The following SLC12A7 variants were observed in gnomAD, a reference collection of about 807,000 sequenced individuals.
The protein encoded by SLC12A7 is K-Cl cotransporter 4.
A neutral mutation model predicts 120.6 loss-of-function variants in SLC12A7; 100 were observed. The ratio of observed to expected loss-of-function variants is 0.83; its 90% CI spans 0.71 to 0.98. The LOEUF (loss-of-function observed/expected upper bound fraction) is 0.98. Ranked by LOEUF, SLC12A7 falls within the 50% of genes least tolerant of loss-of-function variation. The pLI, the probability that SLC12A7 is intolerant of heterozygous loss-of-function variation, is 0.00. For synonymous variants in SLC12A7, 760 were observed against 678.0 expected, an observed-to-expected ratio of 1.12 and a Z score of -1.88; for missense variants, 1,373 against 1,548.1, an observed-to-expected ratio of 0.89 and a Z score of 1.90.
At chr5:1,093,424 C>T in intron 3 of SLC12A7, 109 bp downstream of exon 3, 1 of 1,145,242 alleles carries the variant, frequency 8.7e-7, no homozygotes, top group Non-Finnish European at 1.2e-6. Flanking sequence ...GGCCATGATA[C>T]CAGAGCTCAG....
the SLC12A7 span, among the ~76,000 whole-genome samples, chr5:1,125,686 A>C: frequency 2.6e-5 from 4 of 152,186 alleles, no homozygotes; most frequent in African/African-American, 9.7e-5. Context: ...GCATTTTGGG[A>C]GGCCGAGGCG....
chr5:1,058,861 C>T (rs1735895102), intron 21 of SLC12A7, among the ~76,000 whole-genome samples: 1 of 147,176 alleles, frequency 6.8e-6, no homozygotes, highest in South Asian at 2.2e-4. Context: ...AGAGGGTGTC[C>T]ACCCAGCGTC....
At chr5:1,055,767 G>T (rs1735546728) in intron 22 of SLC12A7, among the ~76,000 whole-genome samples, 1 of 152,246 alleles carries the variant, frequency 6.6e-6, no homozygotes, top group Non-Finnish European at 1.5e-5. Context: ...TCGTTCTTCG[G>T]CTTTAATTAA....
chr5:1,077,831 A>C lies in SLC12A7; in HGVS notation c.1629+2T>G, dbSNP rs1273332151. The stretch of plus-strand genomic sequence containing the variant: ...TCCCCCCGACGAGGGTGCGGGACTC[A>C]CCTGCAGGAAGGGGACGATGCCGTC... On this transcript the variant is annotated splice_donor_variant, in intron 12 of 23. Coordinates refer to ENST00000264930, the MANE Select transcript of SLC12A7 (RefSeq NM_006598.3). LOFTEE classifies it high-confidence loss of function. 2 of 1,581,582 alleles carry C rather than the reference A, an allele frequency of 1.3e-6. No individual in the cohort carries two copies. The highest frequency in any genetic ancestry group is 2.3e-5 in the South Asian group (2 of 86,802).
chr5:1,096,848 A>T (rs1403444921), intron 1 of SLC12A7, among the ~76,000 whole-genome samples: 10 of 65,576 alleles, frequency 1.5e-4, no homozygotes, highest in East Asian at 1.2e-3. Context: ...GAGGGAGGGA[A>T]GGAGGGAGGG....
the SLC12A7 span, among the ~76,000 whole-genome samples, chr5:1,124,864 G>A: frequency 6.6e-6 from 1 of 152,136 alleles, no homozygotes; most frequent in African/African-American, 2.4e-5. Context: ...GGAGCGAGGC[G>A]GCCGGCCAGA....
At chr5:1,091,329 G>A (rs1373234885) in intron 3 of SLC12A7, among the ~76,000 whole-genome samples, 3 of 152,192 alleles carry the variant, frequency 2.0e-5, no homozygotes, top group African/African-American at 7.2e-5. Context: ...TGCTCTCTAT[G>A]GGCACCTCAT....
intron 16 of SLC12A7, 37 bp from the exon 17 acceptor site, chr5:1,073,838 G>T: frequency 7.3e-7 from 1 of 1,368,844 alleles, no homozygotes; most frequent in Non-Finnish European, 9.5e-7. Flanking sequence ...CCACGGCAAC[G>T]CTTACCAGGG....
chr5:1,112,919 C>T (rs946454273), upstream of SLC12A7, among the ~76,000 whole-genome samples: 82 of 148,470 alleles, frequency 5.5e-4, 4 homozygotes, highest in Non-Finnish European at 3.0e-5. Flanking sequence ...CCCCAGTCTC[C>T]TCCACACCTG....
intron 1 of SLC12A7, among the ~76,000 whole-genome samples, chr5:1,110,351 G>A (rs1466698821): frequency 2.0e-5 from 3 of 152,366 alleles, no homozygotes; most frequent in African/African-American, 2.4e-5. Flanking sequence ...TGACACGCCC[G>A]TAGCAGGACC....
At chr5:1,098,008 G>A (rs1214263551) in intron 1 of SLC12A7, among the ~76,000 whole-genome samples, 1 of 151,872 alleles carries the variant, frequency 6.6e-6, no homozygotes, top group Admixed American at 6.6e-5. Context: ...GGGACGTCAT[G>A]GGCTCAATGC....
chr5:1,087,349 GCCCCAGC>G (rs909807368), intron 5 of SLC12A7, among the ~76,000 whole-genome samples: 32 of 152,346 alleles, frequency 2.1e-4, no homozygotes, highest in African/African-American at 7.0e-4. Flanking sequence ...ATCAGTGGCA[GCCCCAGC>G]CCCCACTTCC....
intron 3 of SLC12A7, among the ~76,000 whole-genome samples, chr5:1,092,773 A>C (rs1172568485): frequency 6.6e-6 from 1 of 152,016 alleles, no homozygotes; most frequent in East Asian, 1.9e-4. Context: ...ACACAGACAT[A>C]TTTGAAAGAA....
rs908547313 is a variant in SLC12A7, at chr5:1,077,913, C to T, written c.1549G>A (p.Gly517Ser). The change falls in exon 12 of 24, where the codon GGT (glycine) becomes AGT (serine). Residue 517 changes from glycine (G) to serine (S), a missense_variant. Transcript: ENST00000264930. The part of the protein sequence containing the change: ...IVIGSFFSTC[G>S]AGLQSLTGAP... ...CCCGTGAGGCTCTGCAGGCCGGCAC[C>T]GCAGGTGGAGAAGAAGGAGCCGATG... The T allele has an allele frequency of 9.4e-6, 15 of 1,600,018 alleles. No homozygotes were observed. In the African/African-American group the frequency reaches 9.4e-5, roughly 10 times the overall value.
At chr5:1,120,882 C>T in the SLC12A7 span, among the ~76,000 whole-genome samples, 1 of 152,222 alleles carries the variant, frequency 6.6e-6, no homozygotes, top group Non-Finnish European at 1.5e-5. Context: ...GAGACGGCTT[C>T]CAGGGCTTGG....
chr5:1,143,351 C>A, the SLC12A7 span, among the ~76,000 whole-genome samples: 114,387 of 152,178 alleles, frequency 0.75, 43,272 homozygotes, highest in African/African-American at 0.83. Context: ...CTGGAAGTCC[C>A]AGACCAAGGG....
chr5:1,069,423 A>C (rs1373139421), intron 17 of SLC12A7, among the ~76,000 whole-genome samples: 1 of 152,212 alleles, frequency 6.6e-6, no homozygotes, highest in South Asian at 2.1e-4. Context: ...GGGCGGCTGC[A>C]GATGCCTGGA....
At chr5:1,057,721 A>G in intron 21 of SLC12A7, 72 bp from the exon 22 acceptor site, 2 of 1,442,564 alleles carry the variant, frequency 1.4e-6, no homozygotes, top group Non-Finnish European at 1.9e-6. Context: ...CCGGGATGCC[A>G]GGCCGGAGGT....
At chr5:1,140,343 A>G in the SLC12A7 span, among the ~76,000 whole-genome samples, 3 of 152,288 alleles carry the variant, frequency 2.0e-5, no homozygotes, top group East Asian at 1.9e-4. Context: ...CTGACCGCCA[A>G]TCTGCACACA....
Sources: allele counts gnomAD v4.1 joint callset (sites outside exome capture counted in the v4.1 genomes callset), GRCh38; gene constraint gnomAD v4.1.1; transcripts MANE v1.5; gene names NCBI Gene and HGNC (gene_info 2026-07-23, HGNC 2026-07-21).